The following ENTREP2 variants were observed in gnomAD, a reference collection of about 807,000 sequenced individuals.
ENTREP2 encodes endosomal transmembrane epsin interactor 2.
chr15:29,355,260 C>A, the ENTREP2 span, among the ~76,000 whole-genome samples: 5 of 152,242 alleles, frequency 3.3e-5, no homozygotes, highest in East Asian at 9.7e-4. Flanking sequence ...CCATTAAACT[C>A]CCCATTACCC....
At chr15:29,600,263 A>C in the ENTREP2 span, among the ~76,000 whole-genome samples, 1 of 152,224 alleles carries the variant, frequency 6.6e-6, no homozygotes. Flanking sequence ...TCCAGAGTCA[A>C]GTAGTCTGCC....
chr15:29,320,729 G>A, the ENTREP2 span, among the ~76,000 whole-genome samples: 8 of 152,172 alleles, frequency 5.3e-5, no homozygotes, highest in Non-Finnish European at 1.2e-4. Context: ...CACTGTAACA[G>A]AAATGAAAAT....
the ENTREP2 span, among the ~76,000 whole-genome samples, chr15:29,199,030 G>A: frequency 6.6e-6 from 1 of 152,092 alleles, no homozygotes; most frequent in Admixed American, 6.5e-5. Flanking sequence ...TAATTTTTTT[G>A]CAATAAGATT....
At chr15:29,389,368 G>T in the ENTREP2 span, among the ~76,000 whole-genome samples, 1 of 152,072 alleles carries the variant, frequency 6.6e-6, no homozygotes, top group East Asian at 1.9e-4. Context: ...CAAAACATCT[G>T]CTTTCTCCCC....
the ENTREP2 span, among the ~76,000 whole-genome samples, chr15:29,151,281 G>A: frequency 2.6e-4 from 39 of 152,264 alleles, no homozygotes; most frequent in Non-Finnish European, 4.4e-4. Flanking sequence ...TCTGGAGTAT[G>A]AGCTCAGGGT....
chr15:29,211,116 T>TA, the ENTREP2 span, among the ~76,000 whole-genome samples: 4 of 152,124 alleles, frequency 2.6e-5, no homozygotes, highest in South Asian at 2.1e-4. Flanking sequence ...ATGGAAAGAG[T>TA]AAAAAATCAA....
chr15:29,195,682 A>G, the ENTREP2 span, among the ~76,000 whole-genome samples: 1 of 151,772 alleles, frequency 6.6e-6, no homozygotes, highest in Admixed American at 6.6e-5. Flanking sequence ...CCACCACCAC[A>G]CCTGGCTAAT....
chr15:29,361,224 A>G, the ENTREP2 span, among the ~76,000 whole-genome samples: 1 of 152,206 alleles, frequency 6.6e-6, no homozygotes, highest in Non-Finnish European at 1.5e-5. Flanking sequence ...AAGCAGCATG[A>G]CACAATGAAA....
the ENTREP2 span, among the ~76,000 whole-genome samples, chr15:29,421,618 A>C: frequency 6.6e-6 from 1 of 152,260 alleles, no homozygotes; most frequent in Non-Finnish European, 1.5e-5. Context: ...CTTTAAAAAC[A>C]CATAGACATG....
chr15:29,203,168 C>G, the ENTREP2 span, among the ~76,000 whole-genome samples: 8 of 152,148 alleles, frequency 5.3e-5, no homozygotes, highest in Non-Finnish European at 1.2e-4. Flanking sequence ...TTTGGGAGGC[C>G]GAGGCAGGCG....
chr15:29,298,165 AAAG>A, the ENTREP2 span, among the ~76,000 whole-genome samples: 4 of 146,020 alleles, frequency 2.7e-5, no homozygotes, highest in Admixed American at 2.0e-4. Flanking sequence ...CCTATGAATC[AAAG>A]AAGAAATAAT....
the ENTREP2 span, among the ~76,000 whole-genome samples, chr15:29,571,899 G>A: frequency 1.3e-5 from 2 of 152,190 alleles, no homozygotes; most frequent in Non-Finnish European, 2.9e-5. Flanking sequence ...GAAGGGACCA[G>A]ACGTGAAAAG....
chr15:29,599,686 A>C, the ENTREP2 span, among the ~76,000 whole-genome samples: 3 of 152,332 alleles, frequency 2.0e-5, no homozygotes. Flanking sequence ...CTTACAAAGC[A>C]GTTACAAACT....
chr15:29,337,456 T>C, the ENTREP2 span, among the ~76,000 whole-genome samples: 24 of 152,194 alleles, frequency 1.6e-4, no homozygotes, highest in African/African-American at 5.8e-4. Context: ...AGTGAGATTT[T>C]ATCACGTTTG....
chr15:29,384,712 C>A, the ENTREP2 span, among the ~76,000 whole-genome samples: 4 of 152,126 alleles, frequency 2.6e-5, no homozygotes, highest in Non-Finnish European at 4.4e-5. Flanking sequence ...CCACACCCAA[C>A]CTCCGAGACA....
the ENTREP2 span, among the ~76,000 whole-genome samples, chr15:29,180,423 T>C: frequency 6.6e-6 from 1 of 152,142 alleles, no homozygotes; most frequent in African/African-American, 2.4e-5. Context: ...CCCAGCACTT[T>C]GGGAGTCGAG....
chr15:29,605,710 GCC>G, the ENTREP2 span, among the ~76,000 whole-genome samples: 1 of 151,064 alleles, frequency 6.6e-6, no homozygotes, highest in Non-Finnish European at 1.5e-5. Context: ...ATGGGGGGGT[GCC>G]TATAATCCCA....
the ENTREP2 span, among the ~76,000 whole-genome samples, chr15:29,535,664 G>A: frequency 6.6e-6 from 1 of 152,170 alleles, no homozygotes; most frequent in South Asian, 2.1e-4. Flanking sequence ...ACTCTAGCCT[G>A]GGTGATAAAG....
At chr15:29,605,831 T>A in the ENTREP2 span, among the ~76,000 whole-genome samples, 18 of 151,900 alleles carry the variant, frequency 1.2e-4, no homozygotes, top group African/African-American at 4.4e-4. Context: ...TGAGACACCA[T>A]ATCAAAAGAA....
Sources: allele counts gnomAD v4.1 joint callset (sites outside exome capture counted in the v4.1 genomes callset), GRCh38; gene constraint gnomAD v4.1.1; transcripts MANE v1.5; gene names NCBI Gene and HGNC (gene_info 2026-07-23, HGNC 2026-07-21).